The following HMBOX1 variants were observed in gnomAD, a reference collection of about 807,000 sequenced individuals.
The protein encoded by HMBOX1 is homeobox-containing protein 1.
A neutral mutation model predicts 54.5 loss-of-function variants in HMBOX1; 14 were observed. The ratio of observed to expected loss-of-function variants is 0.26; its 90% CI spans 0.17 to 0.40. HMBOX1 has a LOEUF of 0.40. Among genes scored for constraint, HMBOX1 ranks in the 10% least tolerant of loss-of-function variants. The pLI is 1.00. For missense variants in HMBOX1, 332 were observed against 514.4 expected, an observed-to-expected ratio of 0.65 and a Z score of 3.43; for synonymous variants, 160 against 181.0, an observed-to-expected ratio of 0.88 and a Z score of 0.93.
chr8:29,004,983 C>CT (rs977598763), intron 4 of HMBOX1, among the ~76,000 whole-genome samples: 1 of 152,006 alleles, frequency 6.6e-6, no homozygotes, highest in Non-Finnish European at 1.5e-5. Context: ...TTTACAGTGC[C>CT]TTTTTTGGAA....
At chr8:28,976,644 C>G (rs1390698903) in intron 3 of HMBOX1, among the ~76,000 whole-genome samples, 4 of 151,524 alleles carry the variant, frequency 2.6e-5, no homozygotes, top group Non-Finnish European at 4.4e-5. Flanking sequence ...TTTTGTTTTG[C>G]TTTTTGATAA....
At chr8:28,945,802 G>A (rs1357460370) in intron 1 of HMBOX1, among the ~76,000 whole-genome samples, 1 of 145,898 alleles carries the variant, frequency 6.9e-6, no homozygotes, top group Non-Finnish European at 1.5e-5. Context: ...TGGGGAAAAG[G>A]TTTTTTTTTT....
In HMBOX1 at chr8:29,018,857, A is replaced by T. The variant is rs201671682; in HGVS notation, c.795A>T (p.Arg265=). ...TCTCTGCCACATCTGGTACTTTCCG[A>T]CTGCGACGAGGGAGTCGATTTACCT... ...PPVSATSGTF[R]LRRGSRFTWR... is the part of the protein sequence containing the mutation. The change falls in exon 6 of 10, where the codon CGA becomes CGT. Residue 265 remains arginine, a synonymous_variant. Coordinates refer to ENST00000287701, the MANE Select transcript of HMBOX1 (RefSeq NM_001135726.3). 9 of 1,614,132 alleles carry T rather than the reference A, an allele frequency of 5.6e-6. No individual in the cohort carries two copies. Among genetic ancestry groups the T allele is most frequent in the Admixed American group, 3.3e-5 (2 of 60,010 alleles).
intron 1 of HMBOX1, among the ~76,000 whole-genome samples, chr8:28,928,894 T>C (rs1263104293): frequency 6.6e-6 from 1 of 151,992 alleles, no homozygotes; most frequent in African/African-American, 2.4e-5. Context: ...AGAAATAGAA[T>C]AGAAGGGTAA....
chr8:29,013,304 T>C (rs1164649628), intron 5 of HMBOX1, among the ~76,000 whole-genome samples: 1 of 152,150 alleles, frequency 6.6e-6, no homozygotes, highest in Non-Finnish European at 1.5e-5. Flanking sequence ...CCCAGCTGAT[T>C]TTTGTGTTTT....
chr8:29,040,884 T>G (rs894069988), intron 6 of HMBOX1, among the ~76,000 whole-genome samples: 6 of 152,122 alleles, frequency 3.9e-5, no homozygotes, highest in African/African-American at 1.4e-4. Context: ...CCTTTTTAAC[T>G]CAGTACAAAA....
intron 1 of HMBOX1, among the ~76,000 whole-genome samples, chr8:28,914,816 A>G (rs537952146): frequency 5.9e-5 from 9 of 152,362 alleles, no homozygotes; most frequent in African/African-American, 2.2e-4. Context: ...TGTAATACCT[A>G]TAATGGAAAT....
chr8:29,031,627 T>C (rs1424356966), intron 6 of HMBOX1, among the ~76,000 whole-genome samples: 2 of 152,122 alleles, frequency 1.3e-5, no homozygotes, highest in Non-Finnish European at 2.9e-5. Flanking sequence ...TCACCAGCTA[T>C]GTGTCCTTAT....
intron 1 of HMBOX1, among the ~76,000 whole-genome samples, chr8:28,956,379 G>A (rs988163706): frequency 2.6e-5 from 4 of 151,166 alleles, no homozygotes; most frequent in Admixed American, 1.3e-4. Context: ...GAAGTTTCTG[G>A]TCTTTGTTAA....
At chr8:29,024,589 TATA>T (rs1586563233) in intron 6 of HMBOX1, among the ~76,000 whole-genome samples, 1 of 152,214 alleles carries the variant, frequency 6.6e-6, no homozygotes, top group Non-Finnish European at 1.5e-5. Flanking sequence ...ATATTTAAGT[TATA>T]ATATCTGCCT....
intron 1 of HMBOX1, among the ~76,000 whole-genome samples, chr8:28,940,784 G>C (rs1821260934): frequency 6.6e-6 from 1 of 152,092 alleles, no homozygotes; most frequent in Admixed American, 6.5e-5. Context: ...CTACTTAACA[G>C]GTCATTGTGA....
At chr8:28,958,210 T>C (rs2132210568) in intron 1 of HMBOX1, among the ~76,000 whole-genome samples, 1 of 152,370 alleles carries the variant, frequency 6.6e-6, no homozygotes, top group South Asian at 2.1e-4. Context: ...CAAGCAATCT[T>C]CTTGCCTCAG....
chr8:29,013,801 C>A (rs1393805762), intron 5 of HMBOX1, among the ~76,000 whole-genome samples: 2 of 152,208 alleles, frequency 1.3e-5, no homozygotes, highest in African/African-American at 4.8e-5. Context: ...ATTAAGTTCA[C>A]AGTCTTTTTC....
At chr8:29,004,893 G>C (rs1439473518) in intron 4 of HMBOX1, among the ~76,000 whole-genome samples, 5 of 152,160 alleles carry the variant, frequency 3.3e-5, no homozygotes, top group Non-Finnish European at 5.9e-5. Context: ...CAAAGCATGA[G>C]TTCAAGGAGC....
At chr8:28,966,191 A>T (rs1234007311) in intron 2 of HMBOX1, among the ~76,000 whole-genome samples, 1 of 152,200 alleles carries the variant, frequency 6.6e-6, no homozygotes, top group Non-Finnish European at 1.5e-5. Context: ...CTCATGCCTT[A>T]TCCAAGAAGG....
At chr8:29,046,871 A>AC (rs1251410850) in intron 7 of HMBOX1, among the ~76,000 whole-genome samples, 1 of 152,182 alleles carries the variant, frequency 6.6e-6, no homozygotes, top group Non-Finnish European at 1.5e-5. Context: ...AGTCCCAGCT[A>AC]CCTGGGGGGC....
chr8:28,975,397 A>G (rs1330663800), intron 3 of HMBOX1, among the ~76,000 whole-genome samples: 1 of 152,238 alleles, frequency 6.6e-6, no homozygotes, highest in East Asian at 1.9e-4. Context: ...TGACAGTTAA[A>G]TTGTGTCTTA....
At chr8:28,992,774 G>A (rs2132620758) in intron 4 of HMBOX1, among the ~76,000 whole-genome samples, 1 of 146,752 alleles carries the variant, frequency 6.8e-6, no homozygotes, top group Admixed American at 7.1e-5. Flanking sequence ...GGAGGCTGAG[G>A]CAGGAGAATC....
At position 28,959,661 on chromosome 8, in the gene HMBOX1, C is replaced by T. The variant is rs184459161; in HGVS notation, c.-57-4150C>T. Reference sequence around the variant, plus strand: ...CTGTATACTACCTTTATTAGGTTTGCTGTTGAATAATTCTGGCTGCATAAA... The same window carrying T: ...CTGTATACTACCTTTATTAGGTTTGTTGTTGAATAATTCTGGCTGCATAAA... On this transcript the variant is annotated intron_variant, in intron 1 of 9. Coordinates refer to ENST00000287701, the MANE Select transcript of HMBOX1 (RefSeq NM_001135726.3). Among the ~76,000 whole-genome samples the T allele has an allele frequency of 1.1e-3, 167 of 152,194 alleles. 2 individuals are homozygous for T. Among genetic ancestry groups the T allele is most frequent in the African/African-American group, 3.9e-3 (160 of 41,522 alleles).
Sources: gnomAD v4.1 joint callset for allele counts (sites outside exome capture counted in the v4.1 genomes callset) on GRCh38, gnomAD v4.1.1 for gene constraint, MANE v1.5 for transcripts, NCBI Gene and HGNC (gene_info 2026-07-23, HGNC 2026-07-21) for gene names.